The following TRMT13 variants were observed in gnomAD, a reference collection of about 807,000 sequenced individuals.
TRMT13 encodes tRNA methyltransferase 13.
In TRMT13, 45 loss-of-function variants were observed where a neutral mutation model predicts 55.9. That is an observed-to-expected ratio of 0.80 (90% CI 0.63 to 1.03). TRMT13 has a LOEUF of 1.03. Ranked by LOEUF, TRMT13 falls within the 50% of genes least tolerant of loss-of-function variation. The pLI, the probability that TRMT13 is intolerant of heterozygous loss-of-function variation, is 0.00. For missense variants in TRMT13, 513 were observed against 563.9 expected (o/e 0.91, Z 0.91); for synonymous variants, 183 against 196.3 (o/e 0.93, Z 0.57).
In TRMT13 at chr1:100,133,340, A is replaced by C. The variant is rs1359688833; in HGVS notation, c.147+25A>C. 3.7e-6 allele frequency: 6 copies of C among 1,611,162 alleles called. No individual in the cohort carries two copies. In the Admixed American group the frequency reaches 1.0e-4, roughly 27 times the overall value. On this transcript the variant is annotated intron_variant, in intron 1 of 10. Transcript: ENST00000370141. ...GGTGTGGTATCGCCCTACTCTCTCAAGAGTCGGAAATAAGTATCCTGGTCC... is the reference window on the plus strand; with the variant it reads ...GGTGTGGTATCGCCCTACTCTCTCACGAGTCGGAAATAAGTATCCTGGTCC...
At chr1:100,143,919 A>G in intron 8 of TRMT13, 150 bp from the exon 9 acceptor site, 2 of 647,854 alleles carry the variant, frequency 3.1e-6, no homozygotes, top group Admixed American at 5.7e-5. Flanking sequence ...ACAAGTTCTT[A>G]TGTTATATGT....
At chr1:100,146,496 A>C (rs1657264422) in intron 9 of TRMT13, among the ~76,000 whole-genome samples, 1 of 151,914 alleles carries the variant, frequency 6.6e-6, no homozygotes, top group South Asian at 2.1e-4. Flanking sequence ...TAATTCTGAA[A>C]TAACTTAATT....
At chr1:100,138,564 A>G (rs1656196437) in intron 3 of TRMT13, among the ~76,000 whole-genome samples, 1 of 152,194 alleles carries the variant, frequency 6.6e-6, no homozygotes, top group Non-Finnish European at 1.5e-5. Flanking sequence ...TTCTGTCCAT[A>G]TAGGTAAAGC....
At chr1:100,134,113 T>A (rs553214758) in intron 1 of TRMT13, among the ~76,000 whole-genome samples, 2 of 152,258 alleles carry the variant, frequency 1.3e-5, no homozygotes, top group Admixed American at 6.5e-5. Flanking sequence ...TTTTTAAGAA[T>A]GCAACTTTGC....
intron 9 of TRMT13, among the ~76,000 whole-genome samples, chr1:100,144,969 A>G (rs963489240): frequency 4.6e-5 from 7 of 152,236 alleles, no homozygotes; most frequent in African/African-American, 1.7e-4. Context: ...GACTATAGTC[A>G]TGTACAACAT....
Position 100,149,256 on chromosome 1 carries a change from T to C in TRMT13, c.*436T>C, listed in dbSNP as rs1219429682. The C allele has an allele frequency of 9.9e-6, 15 of 1,514,670 alleles. No individual in the cohort carries two copies. The South Asian group carries it at 1.5e-4, about 15-fold the overall frequency. The allele number at this position is 1,514,670 out of a possible 1,614,324, so 93.8% of individuals were successfully genotyped here. A position where few individuals can be genotyped will look rare whatever the true frequency, so the allele number is the denominator to read the frequency against. ...AGGGCCAATCTGAGAATTTGACTTA[T>C]ATGTGGACATTTTTCCCTACAGATC... On this transcript the variant is annotated 3_prime_UTR_variant, in exon 11 of 11. Coordinates refer to ENST00000370141, the MANE Select transcript of TRMT13 (RefSeq NM_019083.3).
intron 9 of TRMT13, 44 bp from the exon 10 acceptor site, chr1:100,147,850 T>A (rs1657469416): frequency 6.6e-7 from 1 of 1,512,632 alleles, no homozygotes; most frequent in Non-Finnish European, 8.8e-7. Flanking sequence ...TATTTATTTT[T>A]AAAGATGATG....
chr1:100,150,089 GA>G lies in TRMT13; in HGVS notation c.*1270del, dbSNP rs1657821876. ...CTCAATTTCCTCCTTTTAAAATGGG[GA>G]TGATGATGATAACAATAATACCTAC... On this transcript the variant is annotated 3_prime_UTR_variant, in exon 11 of 11. Coordinates refer to ENST00000370141, the MANE Select transcript of TRMT13 (RefSeq NM_019083.3). 6.6e-6 allele frequency: 1 copy of G among 152,300 alleles called. No individual in the cohort carries two copies. The highest frequency in any genetic ancestry group is 1.5e-5 in the Non-Finnish European group (1 of 68,226). The allele number at this position is 152,300 out of a possible 1,614,324, so 9.4% of individuals were successfully genotyped here.
chr1:100,133,766 C>G (rs990773376), intron 1 of TRMT13, among the ~76,000 whole-genome samples: 1 of 152,160 alleles, frequency 6.6e-6, no homozygotes, highest in Non-Finnish European at 1.5e-5. Context: ...AGACTTGAGG[C>G]CCGGCGCGGT....
At chr1:100,138,104 G>A (rs1028830976) in intron 3 of TRMT13, among the ~76,000 whole-genome samples, 10 of 152,142 alleles carry the variant, frequency 6.6e-5, no homozygotes, top group African/African-American at 2.4e-4. Context: ...GCAAGGAAAT[G>A]GAGAAAAGCG....
chr1:100,148,745 C>A lies in TRMT13; in HGVS notation c.1371C>A (p.Asp457Glu), dbSNP rs1180004634. The change falls in exon 11 of 11, where the codon GAC becomes GAA. Residue 457 changes from aspartate to glutamate, a missense_variant. Coordinates refer to ENST00000370141, the MANE Select transcript of TRMT13 (RefSeq NM_019083.3). ...GTCCTGCTTTGCAGTACTATACAGA[C>A]CCTCTGGTGTCTTTGGAAAATGTTT... ...GFSPALQYYT[D>E]PLVSLENVLL... 1 of 1,581,710 alleles carries A rather than the reference C, an allele frequency of 6.3e-7. No individual in the cohort carries two copies. Among genetic ancestry groups the A allele is most frequent in the Non-Finnish European group, 8.6e-7 (1 of 1,167,328 alleles).
intron 3 of TRMT13, among the ~76,000 whole-genome samples, chr1:100,137,487 C>T (rs1188927202): frequency 6.6e-6 from 1 of 152,106 alleles, no homozygotes; most frequent in Non-Finnish European, 1.5e-5. Context: ...CGTGAGCCAC[C>T]AAATCCAGCC....
At chr1:100,133,537 A>G (rs546079812) in intron 1 of TRMT13, among the ~76,000 whole-genome samples, 9 of 152,234 alleles carry the variant, frequency 5.9e-5, no homozygotes, top group African/African-American at 1.9e-4. Context: ...GCAGTGACCC[A>G]TTTATTTTGA....
In TRMT13 at chr1:100,148,117, C is replaced by T. The variant is rs1371489986; in HGVS notation, c.1041C>T (p.Gly347=). 1.9e-6 allele frequency: 3 copies of T among 1,614,178 alleles called. No individual in the cohort carries two copies. The highest frequency in any genetic ancestry group is 2.5e-6 in the Non-Finnish European group (3 of 1,180,042). ...HHRCDWRHYV[G]KEYFRALGLG... is the part of the protein sequence containing the mutation. ...GGTGTGATTGGAGACATTATGTGGG[C>T]AAAGAATATTTCAGGGCTCTAGGCC... is the stretch of plus-strand genomic sequence containing the variant. Residue 347 remains glycine, a synonymous_variant, in exon 10 of 11, where the codon GGC becomes GGT. Coordinates refer to ENST00000370141, the MANE Select transcript of TRMT13 (RefSeq NM_019083.3).
chr1:100,140,282 A>T, intron 5 of TRMT13, 31 bp downstream of exon 5: 1 of 1,595,566 alleles, frequency 6.3e-7, no homozygotes, highest in Admixed American at 1.7e-5. Flanking sequence ...AAGTTCAATT[A>T]TTTTAGAGTA....
chr1:100,145,505 G>C (rs988546753), intron 9 of TRMT13, among the ~76,000 whole-genome samples: 1 of 151,884 alleles, frequency 6.6e-6, no homozygotes, highest in Non-Finnish European at 1.5e-5. Context: ...TCTCTTTTGC[G>C]ATACTCTTAT....
Position 100,149,675 on chromosome 1 carries a change from C to A in TRMT13, c.*855C>A. ...TAAAATAGAAATTAGATAATGAAAC[C>A]AAAAACCTTCTCAAATTTAGGCCTT... On this transcript the variant is annotated 3_prime_UTR_variant, in exon 11 of 11. Coordinates refer to ENST00000370141, the MANE Select transcript of TRMT13 (RefSeq NM_019083.3). The A allele has an allele frequency of 3.1e-6, 1 of 323,326 alleles. No homozygotes were observed. Among genetic ancestry groups the A allele is most frequent in the Non-Finnish European group, 5.6e-6 (1 of 177,900 alleles). 20.0% of individuals were successfully genotyped at this position (323,326 alleles called of 1,614,324 possible).
At chr1:100,133,815 G>A (rs919325633) in intron 1 of TRMT13, among the ~76,000 whole-genome samples, 1 of 152,178 alleles carries the variant, frequency 6.6e-6, no homozygotes, top group African/African-American at 2.4e-5. Context: ...GGAGGCCGAG[G>A]CGGGCGGATC....
At position 100,136,935 on chromosome 1, in the gene TRMT13, G is replaced by A; in HGVS notation, c.194+7G>A. The A allele has an allele frequency of 6.2e-7, 1 of 1,604,294 alleles. No individual in the cohort carries two copies. Among genetic ancestry groups the A allele is most frequent in the East Asian group, 2.2e-5 (1 of 44,714 alleles). ...GTCCTTTAGATCCAAAACAGTAAGT[G>A]TGGATCAGATACGGGTTTTTTTTTG... On this transcript the variant is annotated splice_region_variant and intron_variant, in intron 2 of 10. Coordinates refer to ENST00000370141, the MANE Select transcript of TRMT13 (RefSeq NM_019083.3).
Sources: allele counts gnomAD v4.1 joint callset (sites outside exome capture counted in the v4.1 genomes callset), GRCh38; gene constraint gnomAD v4.1.1; transcripts MANE v1.5; gene names NCBI Gene and HGNC (gene_info 2026-07-23, HGNC 2026-07-21).